TYW1: variants seen among roughly 807,000 people sequenced by gnomAD.
The protein encoded by TYW1 is S-adenosyl-L-methionine-dependent tRNA 4-demethylwyosine synthase TYW1.
A neutral mutation model predicts 96.2 loss-of-function variants in TYW1; 46 were observed. That is an observed-to-expected ratio of 0.48 (90% CI 0.38 to 0.61). The LOEUF is 0.61. Among genes scored for constraint, TYW1 ranks in the 20% least tolerant of loss-of-function variants. The probability of loss-of-function intolerance (pLI) is 0.00; values close to 1 mark genes in which losing one functional copy is unlikely to be tolerated. For missense variants in TYW1, 684 were observed against 909.6 expected (o/e 0.75, Z 3.19); for synonymous variants, 274 against 323.0 (o/e 0.85, Z 1.63).
At chr7:67,089,380 G>C (rs1796644823) in intron 11 of TYW1, 2 of 1,218,778 alleles carry the variant, frequency 1.6e-6, no homozygotes, top group South Asian at 2.4e-5. Context: ...TCCAGTGCAG[G>C]GCATCTGGTG....
chr7:67,015,497 G>A (rs1340496310), intron 5 of TYW1, among the ~76,000 whole-genome samples: 9 of 152,036 alleles, frequency 5.9e-5, no homozygotes, highest in South Asian at 2.1e-4. Flanking sequence ...AACTATAGGC[G>A]TGCACCACTA....
At chr7:67,079,876 G>A (rs1468096999) in intron 10 of TYW1, among the ~76,000 whole-genome samples, 2 of 151,864 alleles carry the variant, frequency 1.3e-5, no homozygotes, top group African/African-American at 2.4e-5. Context: ...GTGCTATTTG[G>A]TTTCCATTAC....
At chr7:67,213,670 G>A (rs1252712507) in intron 15 of TYW1, among the ~76,000 whole-genome samples, 1 of 152,178 alleles carries the variant, frequency 6.6e-6, no homozygotes, top group African/African-American at 2.4e-5. Context: ...TTATGGTTAA[G>A]TCTGTGATCC....
intron 3 of TYW1, among the ~76,000 whole-genome samples, chr7:66,999,254 A>G (rs1793295961): frequency 6.6e-6 from 1 of 152,310 alleles, no homozygotes; most frequent in Non-Finnish European, 1.5e-5. Flanking sequence ...TTGTGAGTCC[A>G]TTATCGATGC....
chr7:67,152,120 C>G (rs1798822393), intron 13 of TYW1, among the ~76,000 whole-genome samples: 2 of 152,216 alleles, frequency 1.3e-5, no homozygotes, highest in South Asian at 4.2e-4. Flanking sequence ...CACCATGATT[C>G]TTGTTTACAT....
At chr7:67,093,178 A>G (rs936455007) in intron 11 of TYW1, among the ~76,000 whole-genome samples, 1 of 152,126 alleles carries the variant, frequency 6.6e-6, no homozygotes, top group African/African-American at 2.4e-5. Flanking sequence ...AAAAAGAAAT[A>G]ATAATAATTG....
intron 13 of TYW1, among the ~76,000 whole-genome samples, chr7:67,119,472 T>G (rs17144710): frequency 0.24 from 36,914 of 152,030 alleles, 4,771 homozygotes; most frequent in African/African-American, 0.32. Flanking sequence ...TTTCTGCACA[T>G]GTACCCACCA....
intron 11 of TYW1, among the ~76,000 whole-genome samples, chr7:67,095,003 A>ATTT (rs71049498): frequency 5.5e-5 from 8 of 145,758 alleles, no homozygotes; most frequent in South Asian, 2.2e-4. Context: ...AAACTGCATG[A>ATTT]TTTTTTTTTT....
chr7:67,072,325 C>T (rs1190315411), intron 10 of TYW1, among the ~76,000 whole-genome samples: 4 of 151,472 alleles, frequency 2.6e-5, no homozygotes, highest in Non-Finnish European at 4.4e-5. Flanking sequence ...TGGCTCACCG[C>T]AACCTCCACC....
At position 67,132,975 on chromosome 7, in the gene TYW1, C is replaced by T. The variant is rs1012932566; in HGVS notation, c.1698+15357C>T. ...TGCAATAATTTCTTTCGGAACTAAC[C>T]TGTGGTTGGAAGTTGCTGGATCATA... On this transcript the variant is annotated intron_variant, in intron 13 of 15. Transcript: ENST00000359626. 5.5e-4 allele frequency among the ~76,000 whole-genome samples: 83 copies of T among 152,056 alleles called. 2 individuals are homozygous for T. The highest frequency in any genetic ancestry group is 2.1e-4 in the South Asian group (1 of 4,828).
intron 7 of TYW1, among the ~76,000 whole-genome samples, chr7:67,042,668 G>A (rs1490453601): frequency 6.6e-6 from 1 of 152,044 alleles, no homozygotes; most frequent in African/African-American, 2.4e-5. Flanking sequence ...TGGGTTAGCG[G>A]GTGTGGGGAG....
chr7:66,998,307 T>C, intron 2 of TYW1, 112 bp downstream of exon 2: 5 of 1,335,142 alleles, frequency 3.7e-6, no homozygotes, highest in Non-Finnish European at 5.0e-6. Context: ...TTAGACATTT[T>C]AATGAAATGC....
At chr7:67,064,380 CAGAAAT>C (rs1384178423) in intron 9 of TYW1, among the ~76,000 whole-genome samples, 5 of 152,120 alleles carry the variant, frequency 3.3e-5, no homozygotes, top group Non-Finnish European at 7.4e-5. Context: ...CTAGAGATCT[CAGAAAT>C]AGACTCACAA....
rs201920267 is a variant in TYW1, at chr7:67,117,409, T to C, written c.1563-74T>C. ...TTTAATCCCCATGTCTATTACAGAT[T>C]GCAGGTTTTATATCATGGAAAGCCT... On this transcript the variant is annotated intron_variant, in intron 12 of 15. Transcript: ENST00000359626. 37 of 1,520,902 alleles carry C rather than the reference T, an allele frequency of 2.4e-5. No homozygotes were observed. The East Asian group carries it at 8.0e-4, about 33-fold the overall frequency. The allele number at this position is 1,520,902 out of a possible 1,614,324, so 94.2% of individuals were successfully genotyped here. A position where few individuals can be genotyped will look rare whatever the true frequency, so the allele number is the denominator to read the frequency against.
chr7:67,066,618 G>A (rs1224034714), intron 9 of TYW1, among the ~76,000 whole-genome samples: 1 of 152,188 alleles, frequency 6.6e-6, no homozygotes, highest in Admixed American at 6.5e-5. Context: ...AGAGGCTGAG[G>A]TGGGAGGATC....
chr7:67,069,369 AT>A (rs1157116221), intron 10 of TYW1, among the ~76,000 whole-genome samples: 1 of 152,218 alleles, frequency 6.6e-6, no homozygotes, highest in Non-Finnish European at 1.5e-5. Context: ...CTGTATGCCC[AT>A]TAACATAGAT....
In TYW1 at chr7:67,239,424, C is replaced by T. The variant is rs1040520605; in HGVS notation, c.*895C>T. On this transcript the variant is annotated 3_prime_UTR_variant, in exon 16 of 16. Transcript: ENST00000359626. Reference sequence around the variant, plus strand: ...TCAGGTGTTTTCAAGTTGGAAAGATCATAAATACTCAAAATTGTTTTCAAG... The same window carrying T: ...TCAGGTGTTTTCAAGTTGGAAAGATTATAAATACTCAAAATTGTTTTCAAG... 3 of 979,852 alleles carry T rather than the reference C, an allele frequency of 3.1e-6. No individual in the cohort carries two copies. In the African/African-American group the frequency reaches 5.2e-5, roughly 17 times the overall value. 60.7% of individuals were successfully genotyped at this position (979,852 alleles called of 1,614,324 possible). A position where few individuals can be genotyped will look rare whatever the true frequency, so the allele number is the denominator to read the frequency against.
intron 13 of TYW1, among the ~76,000 whole-genome samples, chr7:67,134,271 G>T (rs1362736373): frequency 6.6e-6 from 1 of 152,114 alleles, no homozygotes. Flanking sequence ...GGCTGGGCGC[G>T]GTGGCTCACG....
intron 7 of TYW1, among the ~76,000 whole-genome samples, chr7:67,045,723 T>C (rs1795168438): frequency 6.6e-6 from 1 of 152,196 alleles, no homozygotes; most frequent in African/African-American, 2.4e-5. Context: ...GGCGAGGACA[T>C]GAGTTTTCTT....
Sources: gnomAD v4.1 joint callset for allele counts (sites outside exome capture counted in the v4.1 genomes callset) on GRCh38, gnomAD v4.1.1 for gene constraint, MANE v1.5 for transcripts, NCBI Gene and HGNC (gene_info 2026-07-23, HGNC 2026-07-21) for gene names.